The following ARSB variants were observed in gnomAD, a reference collection of about 807,000 sequenced individuals.
ARSB encodes the protein arylsulfatase B, also known as N-acetylgalactosamine-4-sulfatase.
A neutral mutation model predicts 50.9 loss-of-function variants in ARSB; 41 were observed. The observed-to-expected ratio is 0.81, with a 90% confidence interval of 0.63 to 1.04. ARSB has a LOEUF of 1.04. ARSB is among the 50% of genes least tolerant of loss of function. The pLI is 0.00. For synonymous variants in ARSB, 269 were observed against 284.8 expected (o/e 0.94, Z 0.56); for missense variants, 672 against 693.3 (o/e 0.97, Z 0.35).
intron 5 of ARSB, among the ~76,000 whole-genome samples, chr5:78,866,971 C>G (rs536314522): frequency 6.6e-6 from 1 of 152,298 alleles, no homozygotes; most frequent in East Asian, 1.9e-4. Flanking sequence ...ACACCGTGCG[C>G]GAGCCAAAGC....
At chr5:78,845,518 C>G (rs1322194855) in intron 5 of ARSB, among the ~76,000 whole-genome samples, 1 of 152,120 alleles carries the variant, frequency 6.6e-6, no homozygotes, top group Non-Finnish European at 1.5e-5. Context: ...GTACCCCTTT[C>G]TCTACAACCT....
intron 6 of ARSB, among the ~76,000 whole-genome samples, chr5:78,828,745 C>A (rs1744545502): frequency 6.8e-6 from 1 of 146,432 alleles, no homozygotes; most frequent in Admixed American, 6.9e-5. Flanking sequence ...GAATAATGGC[C>A]CCCTAAAGAT....
At chr5:78,895,814 T>G (rs1275889002) in intron 4 of ARSB, among the ~76,000 whole-genome samples, 2 of 152,202 alleles carry the variant, frequency 1.3e-5, no homozygotes, top group African/African-American at 4.8e-5. Flanking sequence ...GTGGATGAGC[T>G]AATAGATTTA....
intron 4 of ARSB, among the ~76,000 whole-genome samples, chr5:78,937,388 CA>C (rs1750672426): frequency 7.4e-6 from 1 of 135,512 alleles, no homozygotes; most frequent in East Asian, 2.1e-4. Context: ...ATATATATAT[CA>C]TATATATGTA....
At chr5:78,929,341 C>T (rs1272894522) in intron 4 of ARSB, among the ~76,000 whole-genome samples, 1 of 152,126 alleles carries the variant, frequency 6.6e-6, no homozygotes, top group African/African-American at 2.4e-5. Flanking sequence ...AAGGAATCAA[C>T]ACAGTCTTTA....
intron 4 of ARSB, among the ~76,000 whole-genome samples, chr5:78,897,180 C>A (rs1748601669): frequency 6.6e-6 from 1 of 152,126 alleles, no homozygotes; most frequent in Non-Finnish European, 1.5e-5. Flanking sequence ...AGGTTCTAGT[C>A]TCAGAAAATT....
intron 4 of ARSB, among the ~76,000 whole-genome samples, chr5:78,909,562 T>C (rs569316315): frequency 2.0e-5 from 3 of 152,286 alleles, no homozygotes; most frequent in South Asian, 2.1e-4. Context: ...TAGGGCTGTG[T>C]GGGATGTGCC....
chr5:78,857,907 G>T (rs577133671), intron 5 of ARSB, among the ~76,000 whole-genome samples: 422 of 152,282 alleles, frequency 2.8e-3, no homozygotes, highest in Non-Finnish European at 3.9e-3. Flanking sequence ...ACAGTAGCTT[G>T]CACTGATAGA....
chr5:78,796,947 G>A lies in ARSB; in HGVS notation c.1214-14973C>T, dbSNP rs1286660344. Among the ~76,000 whole-genome samples, 385 of 146,556 alleles carry A rather than the reference G, an allele frequency of 2.6e-3. 1 individual carries two copies. The highest frequency in any genetic ancestry group is 4.4e-3 in the Non-Finnish European group (295 of 67,218). ...GGCTGGAGTGCAGTGGCGGGATCTC[G>A]GCTCACTGCAAGCTCCGCCTCCCGG... On this transcript the variant is annotated intron_variant, in intron 6 of 7. Transcript: ENST00000264914.
intron 6 of ARSB, among the ~76,000 whole-genome samples, chr5:78,791,547 G>A (rs912523691): frequency 2.0e-5 from 3 of 152,182 alleles, no homozygotes; most frequent in African/African-American, 4.8e-5. Flanking sequence ...CCAGATCAGC[G>A]CACCCAGGCC....
At chr5:78,828,535 T>C (rs748784038) in intron 6 of ARSB, among the ~76,000 whole-genome samples, 1 of 152,202 alleles carries the variant, frequency 6.6e-6, no homozygotes, top group Non-Finnish European at 1.5e-5. Context: ...CCTCCTTCAC[T>C]CTCATAGCAA....
At chr5:78,953,501 G>A (rs1580118948) in intron 4 of ARSB, among the ~76,000 whole-genome samples, 1 of 152,208 alleles carries the variant, frequency 6.6e-6, no homozygotes, top group Non-Finnish European at 1.5e-5. Context: ...CATAGTAACT[G>A]CTCAACAAAT....
In ARSB at chr5:78,778,534, C is replaced by T. The variant is rs1292190328; in HGVS notation, c.*1863G>A. The stretch of plus-strand genomic sequence containing the variant: ...TTTTCTCCCCCCACTGGAGAGGACG[C>T]TACAACCTTGCTATAGAGTGTCCTG... On this transcript the variant is annotated 3_prime_UTR_variant, in exon 8 of 8. Transcript: ENST00000264914. 6.6e-6 allele frequency: 1 copy of T among 152,198 alleles called. No homozygotes were observed. Among genetic ancestry groups the T allele is most frequent in the Admixed American group, 6.5e-5 (1 of 15,280 alleles). The allele number at this position is 152,198 out of a possible 1,614,324, so 9.4% of individuals were successfully genotyped here.
intron 4 of ARSB, among the ~76,000 whole-genome samples, chr5:78,946,238 C>A (rs750057397): frequency 1.3e-5 from 2 of 152,088 alleles, no homozygotes; most frequent in African/African-American, 4.8e-5. Flanking sequence ...TTAAAAAGTG[C>A]TAGCTAGAGT....
chr5:78,983,023 G>A (rs915910985), intron 1 of ARSB, among the ~76,000 whole-genome samples: 2 of 152,046 alleles, frequency 1.3e-5, no homozygotes, highest in African/African-American at 4.8e-5. Flanking sequence ...GATGTTAGGG[G>A]ACAAAAGCAA....
intron 6 of ARSB, among the ~76,000 whole-genome samples, chr5:78,782,689 G>A (rs891426071): frequency 2.0e-5 from 3 of 152,194 alleles, no homozygotes; most frequent in African/African-American, 7.2e-5. Flanking sequence ...GTAGAAGATA[G>A]ACAGATGGAA....
chr5:78,969,507 A>C (rs568173650), intron 1 of ARSB, among the ~76,000 whole-genome samples: 2 of 152,362 alleles, frequency 1.3e-5, no homozygotes, highest in African/African-American at 4.8e-5. Flanking sequence ...TGTGGTGTGA[A>C]TCTAACAAGA....
intron 6 of ARSB, among the ~76,000 whole-genome samples, chr5:78,804,887 T>C (rs1003322481): frequency 1.3e-5 from 2 of 152,226 alleles, no homozygotes; most frequent in Admixed American, 1.3e-4. Flanking sequence ...TCAAGGCCAC[T>C]TGAGGGCAGG....
In ARSB at chr5:78,857,495, T is replaced by A. The variant is rs115920832; in HGVS notation, c.1143-18069A>T. 6.4e-3 allele frequency among the ~76,000 whole-genome samples: 978 copies of A among 152,348 alleles called. 10 individuals are homozygous for A. The highest frequency in any genetic ancestry group is 0.022 in the African/African-American group (902 of 41,574). ...TCTAAATAATGACTGACGGTGTTAA[T>A]GATAAACGGGTTTTCAATAATCACA... On this transcript the variant is annotated intron_variant, in intron 5 of 7. Transcript: ENST00000264914.
Sources: gnomAD v4.1 joint callset for allele counts (sites outside exome capture counted in the v4.1 genomes callset) on GRCh38, gnomAD v4.1.1 for gene constraint, MANE v1.5 for transcripts, NCBI Gene and HGNC (gene_info 2026-07-23, HGNC 2026-07-21) for gene names.